Variants in GMPS observed in about 807,000 individuals in gnomAD.
GMPS encodes the protein guanosine monophosphate synthase.
GMPS carries 15 observed loss-of-function variants against 77.9 expected under a neutral mutation model. The observed-to-expected ratio is 0.19, with a 90% CI of 0.13 to 0.30. GMPS has a LOEUF of 0.30. Among genes scored for constraint, GMPS ranks in the 10% least tolerant of loss-of-function variants. GMPS has a pLI of 1.00. For missense variants in GMPS, 590 were observed against 838.8 expected, an observed-to-expected ratio of 0.70 and a Z score of 3.66; for synonymous variants, 224 against 275.9, an observed-to-expected ratio of 0.81 and a Z score of 1.86.
At chr3:155,933,220 T>C (rs962375293) in intron 13 of GMPS, among the ~76,000 whole-genome samples, 1 of 151,918 alleles carries the variant, frequency 6.6e-6, no homozygotes, top group Non-Finnish European at 1.5e-5. Context: ...AAAAAAAGAA[T>C]CTTGGTGAAC....
At chr3:155,916,818 G>C (rs1222331682) in intron 9 of GMPS, among the ~76,000 whole-genome samples, 2 of 152,210 alleles carry the variant, frequency 1.3e-5, no homozygotes, top group African/African-American at 4.8e-5. Flanking sequence ...TTAACATTTT[G>C]ATGAATTGCC....
Position 155,943,493 on chromosome 3 carries a change from A to C in GMPS, c.*5801A>C, listed in dbSNP as rs1755943176. The C allele has an allele frequency of 5.6e-6, 1 of 178,856 alleles. No individual in the cohort carries two copies. 11.1% of individuals were successfully genotyped at this position (178,856 alleles called of 1,614,324 possible). On this transcript the variant is annotated 3_prime_UTR_variant, in exon 16 of 16. Transcript: ENST00000496455. ...TGCATCTCCTAAGACCATTGTTAACAACCTTGATATTAAACGAAGAAGTGA... is the reference window on the plus strand; with the variant it reads ...TGCATCTCCTAAGACCATTGTTAACCACCTTGATATTAAACGAAGAAGTGA...
intron 9 of GMPS, among the ~76,000 whole-genome samples, chr3:155,917,464 A>T (rs1267881226): frequency 6.6e-6 from 1 of 152,142 alleles, no homozygotes; most frequent in Non-Finnish European, 1.5e-5. Flanking sequence ...TCACTACTTT[A>T]AATACCTCAT....
chr3:155,930,407 C>T (rs1209700710), intron 12 of GMPS, among the ~76,000 whole-genome samples: 1 of 144,186 alleles, frequency 6.9e-6, no homozygotes, highest in African/African-American at 2.6e-5. Context: ...CATAAAAACC[C>T]TAGAAGAAAA....
chr3:155,931,703 G>A, intron 12 of GMPS, 62 bp from the exon 13 acceptor site: 2 of 418,370 alleles, frequency 4.8e-6, no homozygotes, highest in East Asian at 4.7e-5. Flanking sequence ...AAAAAGCTTT[G>A]TCAAGTTAAA....
intron 13 of GMPS, among the ~76,000 whole-genome samples, chr3:155,932,932 C>G (rs972323116): frequency 6.6e-6 from 1 of 152,220 alleles, no homozygotes. Context: ...TGGCTCACGC[C>G]TGTAATCCCA....
intron 1 of GMPS, among the ~76,000 whole-genome samples, chr3:155,877,355 A>G (rs963304426): frequency 1.3e-5 from 2 of 152,172 alleles, no homozygotes; most frequent in Non-Finnish European, 2.9e-5. Context: ...TCCTAAAAAA[A>G]TTTTTATAAC....
intron 1 of GMPS, among the ~76,000 whole-genome samples, chr3:155,884,526 C>T (rs1342271872): frequency 6.6e-6 from 1 of 152,056 alleles, no homozygotes; most frequent in Non-Finnish European, 1.5e-5. Flanking sequence ...ATTGCCTTAA[C>T]TTTCTGGAAA....
At position 155,943,980 on chromosome 3, in the gene GMPS, A is replaced by G. The variant is rs2108166047; in HGVS notation, c.*6288A>G. On this transcript the variant is annotated 3_prime_UTR_variant, in exon 16 of 16. Coordinates refer to ENST00000496455, the MANE Select transcript of GMPS (RefSeq NM_003875.3). ...ATTTAAATGAGCTAAAGGTGTGCGT[A>G]TACACATGCACTTATAAAATTAAAG... 1 of 152,322 alleles carries G rather than the reference A, an allele frequency of 6.6e-6. No individual in the cohort carries two copies. Among genetic ancestry groups the G allele is most frequent in the Non-Finnish European group, 1.5e-5 (1 of 68,018 alleles). 9.4% of individuals were successfully genotyped at this position (152,322 alleles called of 1,614,324 possible).
chr3:155,887,915 A>G (rs953737265), intron 1 of GMPS, among the ~76,000 whole-genome samples: 1 of 152,202 alleles, frequency 6.6e-6, no homozygotes, highest in Non-Finnish European at 1.5e-5. Context: ...TAGGTTAAAA[A>G]ATTTAAAAAT....
At chr3:155,892,298 A>G (rs1248579831) in intron 1 of GMPS, among the ~76,000 whole-genome samples, 2 of 152,148 alleles carry the variant, frequency 1.3e-5, no homozygotes, top group Non-Finnish European at 2.9e-5. Flanking sequence ...GCTTCCTATA[A>G]GTGGATTTCC....
chr3:155,893,710 C>T lies in GMPS; in HGVS notation c.209+11C>T, dbSNP rs750464201. ...GGAACAAGGATTCCGGTAGACTTTT[C>T]ACTAATCTTTTCATGAGGAGATTGA... On this transcript the variant is annotated intron_variant, in intron 2 of 15. Transcript: ENST00000496455. The T allele has an allele frequency of 1.8e-5, 28 of 1,513,600 alleles. No individual in the cohort carries two copies. The highest frequency in any genetic ancestry group is 2.4e-5 in the Non-Finnish European group (26 of 1,102,662). The allele number at this position is 1,513,600 out of a possible 1,614,324, so 93.8% of individuals were successfully genotyped here.
At chr3:155,907,482 A>G (rs1754923409) in intron 5 of GMPS, among the ~76,000 whole-genome samples, 1 of 152,160 alleles carries the variant, frequency 6.6e-6, no homozygotes. Flanking sequence ...CTAGCTACTC[A>G]GGAGGCTGAG....
At chr3:155,931,697 A>T in intron 12 of GMPS, 68 bp from the exon 13 acceptor site, 18 of 572,992 alleles carry the variant, frequency 3.1e-5, no homozygotes, top group Non-Finnish European at 4.7e-5. Context: ...AAAAAAAAAA[A>T]GCTTTGTCAA....
chr3:155,929,116 A>T (rs1275955338), intron 12 of GMPS, among the ~76,000 whole-genome samples: 1 of 151,546 alleles, frequency 6.6e-6, no homozygotes, highest in Non-Finnish European at 1.5e-5. Context: ...CGCCACACTG[A>T]TTTCCACAAT....
rs1252092953 is a variant in GMPS, at chr3:155,936,686, C to G, written c.1980+176C>G. Among the ~76,000 whole-genome samples the G allele has an allele frequency of 3.9e-5, 6 of 151,930 alleles. No individual in the cohort carries two copies. The South Asian group carries it at 8.3e-4, about 21-fold the overall frequency. On this transcript the variant is annotated intron_variant, in intron 15 of 15. Coordinates refer to ENST00000496455, the MANE Select transcript of GMPS (RefSeq NM_003875.3). ...ATTAATACACTGGGGCAGAAAAAGG[C>G]TTTAAATTATATATGCTCTCCAATT...
intron 5 of GMPS, among the ~76,000 whole-genome samples, chr3:155,906,510 C>G (rs1193920422): frequency 1.3e-5 from 2 of 152,088 alleles, no homozygotes; most frequent in Non-Finnish European, 2.9e-5. Context: ...AAATGTTCAT[C>G]CTAATATAAG....
chr3:155,914,687 T>C (rs1336805000), intron 8 of GMPS, 117 bp downstream of exon 8: 1 of 594,806 alleles, frequency 1.7e-6, no homozygotes, highest in East Asian at 3.0e-5. Flanking sequence ...CTTTTTCTTA[T>C]GTGGCTGAGA....
chr3:155,875,967 AAAG>A (rs1256957661), intron 1 of GMPS, among the ~76,000 whole-genome samples: 2 of 152,216 alleles, frequency 1.3e-5, no homozygotes, highest in Non-Finnish European at 2.9e-5. Context: ...GAGCATAAAA[AAAG>A]AAGGTGTGGA....
Sources: allele counts gnomAD v4.1 joint callset (sites outside exome capture counted in the v4.1 genomes callset), GRCh38; gene constraint gnomAD v4.1.1; transcripts MANE v1.5; gene names NCBI Gene and HGNC (gene_info 2026-07-23, HGNC 2026-07-21).